The following GLIS3 variants were observed in gnomAD, a reference collection of about 807,000 sequenced individuals.
The protein encoded by GLIS3 is GLIS family zinc finger 3.
A neutral mutation model predicts 78.6 loss-of-function variants in GLIS3; 53 were observed. The ratio of observed to expected loss-of-function variants is 0.67; its 90% CI spans 0.54 to 0.85. The LOEUF is 0.85. GLIS3 is among the 40% of genes least tolerant of loss of function. GLIS3 has a pLI of 0.00. For missense variants in GLIS3, 1,703 were observed against 1,231.1 expected, an observed-to-expected ratio of 1.38 and a Z score of -5.74; for synonymous variants, 684 against 509.9, an observed-to-expected ratio of 1.34 and a Z score of -4.60.
At chr9:4,161,966 G>A (rs138042464) in intron 2 of GLIS3, among the ~76,000 whole-genome samples, 8 of 152,110 alleles carry the variant, frequency 5.3e-5, no homozygotes, top group African/African-American at 1.9e-4. Context: ...GATTACAGGC[G>A]TGAGCCACTG....
intron 2 of GLIS3, among the ~76,000 whole-genome samples, chr9:4,201,232 A>T (rs540416681): frequency 1.3e-5 from 2 of 152,298 alleles, no homozygotes; most frequent in African/African-American, 4.8e-5. Flanking sequence ...ATATCATACT[A>T]AACAGACAAA....
At chr9:4,215,244 A>G (rs1023143661) in intron 2 of GLIS3, among the ~76,000 whole-genome samples, 6 of 152,210 alleles carry the variant, frequency 3.9e-5, no homozygotes, top group Non-Finnish European at 7.3e-5. Flanking sequence ...GTCTCCAATT[A>G]AAACTGGTCT....
chr9:4,447,140 T>C, the GLIS3 span, among the ~76,000 whole-genome samples: 2 of 152,044 alleles, frequency 1.3e-5, no homozygotes, highest in Non-Finnish European at 1.5e-5. Flanking sequence ...ATCAAACTCC[T>C]GGGCTCAAAT....
At chr9:4,214,186 T>C (rs767800182) in intron 2 of GLIS3, among the ~76,000 whole-genome samples, 26 of 152,298 alleles carry the variant, frequency 1.7e-4, no homozygotes, top group African/African-American at 3.8e-4. Context: ...AGTAGGATAA[T>C]TGCTCAAAAA....
At chr9:4,320,827 C>T (rs1254052455) in intron 2 of GLIS3, among the ~76,000 whole-genome samples, 1 of 152,206 alleles carries the variant, frequency 6.6e-6, no homozygotes. Context: ...AAGAAGGCTT[C>T]CTAAGCGGTC....
chr9:4,150,747 C>G (rs1834615262), intron 2 of GLIS3, among the ~76,000 whole-genome samples: 1 of 152,118 alleles, frequency 6.6e-6, no homozygotes, highest in Non-Finnish European at 1.5e-5. Flanking sequence ...ATGTGTCCAA[C>G]CTCCTTATTT....
intron 2 of GLIS3, among the ~76,000 whole-genome samples, chr9:4,321,423 A>G (rs1214560624): frequency 1.8e-5 from 1 of 55,458 alleles, no homozygotes; most frequent in South Asian, 5.6e-4. Context: ...CTCCGTCTCA[A>G]AAAAAAAAAA....
chr9:4,322,127 T>G (rs927811448), intron 2 of GLIS3, among the ~76,000 whole-genome samples: 18 of 151,920 alleles, frequency 1.2e-4, no homozygotes, highest in African/African-American at 4.1e-4. Flanking sequence ...GAACATGCGG[T>G]GTTTGGTTTT....
intron 6 of GLIS3, among the ~76,000 whole-genome samples, chr9:3,910,709 T>C (rs1824079075): frequency 6.6e-6 from 1 of 152,236 alleles, no homozygotes; most frequent in African/African-American, 2.4e-5. Flanking sequence ...TACCATGTGA[T>C]ACTGGGCAAG....
At chr9:4,075,489 T>C (rs1827970392) in intron 4 of GLIS3, among the ~76,000 whole-genome samples, 1 of 150,288 alleles carries the variant, frequency 6.7e-6, no homozygotes, top group South Asian at 2.1e-4. Context: ...GGCGGAAGAA[T>C]GGTGTGAACC....
At chr9:4,356,773 G>A in the GLIS3 span, among the ~76,000 whole-genome samples, 2 of 152,114 alleles carry the variant, frequency 1.3e-5, no homozygotes, top group Admixed American at 1.3e-4. Context: ...ACCAAAAGCT[G>A]AAAAACATCA....
chr9:3,968,288 C>T (rs977747113), intron 4 of GLIS3, among the ~76,000 whole-genome samples: 12 of 152,114 alleles, frequency 7.9e-5, no homozygotes, highest in South Asian at 2.1e-4. Flanking sequence ...AGTGGAGATA[C>T]GGTAAATGCT....
intron 4 of GLIS3, among the ~76,000 whole-genome samples, chr9:4,024,511 G>C (rs112281835): frequency 7.9e-5 from 12 of 152,140 alleles, no homozygotes. Context: ...TCTAATTAGG[G>C]CAGAACTAAA....
chr9:4,047,725 C>T (rs954485203), intron 4 of GLIS3, among the ~76,000 whole-genome samples: 2 of 152,082 alleles, frequency 1.3e-5, no homozygotes, highest in African/African-American at 2.4e-5. Flanking sequence ...CAGTGTGCTA[C>T]CCCATGCCAG....
Position 3,989,882 on chromosome 9 carries a change from A to G in GLIS3, c.1711-52693T>C, listed in dbSNP as rs368357254. Among the ~76,000 whole-genome samples the G allele has an allele frequency of 8.5e-5, 13 of 152,376 alleles. No individual in the cohort carries two copies. In the East Asian group the frequency reaches 1.3e-3, roughly 16 times the overall value. On this transcript the variant is annotated intron_variant, in intron 4 of 10. Transcript: ENST00000381971. ...AACTTACACACACACACACACACAA[A>G]GAGTACAAAACTGAGGAAGCCTGAA...
At chr9:4,358,828 G>T in the GLIS3 span, among the ~76,000 whole-genome samples, 1 of 152,178 alleles carries the variant, frequency 6.6e-6, no homozygotes, top group Non-Finnish European at 1.5e-5. Context: ...AAAGGTCCCT[G>T]TAAGATGTAA....
chr9:3,964,166 G>A (rs983244505), intron 4 of GLIS3, among the ~76,000 whole-genome samples: 2 of 151,724 alleles, frequency 1.3e-5, no homozygotes, highest in East Asian at 3.9e-4. Context: ...ACCACAGATT[G>A]ATGGGACTAA....
At chr9:3,878,148 A>G (rs1821447478) in intron 8 of GLIS3, among the ~76,000 whole-genome samples, 1 of 151,938 alleles carries the variant, frequency 6.6e-6, no homozygotes, top group Non-Finnish European at 1.5e-5. Flanking sequence ...CATCCAGAAG[A>G]GCCTTAGTCT....
intron 4 of GLIS3, among the ~76,000 whole-genome samples, chr9:4,100,498 T>A (rs1219489038): frequency 6.6e-6 from 1 of 152,178 alleles, no homozygotes; most frequent in Non-Finnish European, 1.5e-5. Context: ...GATGTACAGT[T>A]TTTTGCATTA....
Sources: gnomAD v4.1 joint callset for allele counts (sites outside exome capture counted in the v4.1 genomes callset) on GRCh38, gnomAD v4.1.1 for gene constraint, MANE v1.5 for transcripts, NCBI Gene and HGNC (gene_info 2026-07-23, HGNC 2026-07-21) for gene names.